Variants in LINGO2 observed in about 807,000 individuals in gnomAD.
LINGO2 encodes leucine-rich repeat and immunoglobulin-like domain-containing nogo receptor-interacting protein 2.
A neutral mutation model predicts 30.6 loss-of-function variants in LINGO2; 14 were observed. That is an observed-to-expected ratio of 0.46 (90% CI 0.30 to 0.72). LINGO2 has a LOEUF of 0.72. LINGO2 is among the 30% of genes least tolerant of loss of function. The pLI is 0.07. For synonymous variants in LINGO2, 317 were observed against 288.5 expected (o/e 1.10, Z -1.00); for missense variants, 729 against 751.7 (o/e 0.97, Z 0.35).
At chr9:29,018,415 C>T in the LINGO2 span, among the ~76,000 whole-genome samples, 82 of 151,872 alleles carry the variant, frequency 5.4e-4, no homozygotes, top group Non-Finnish European at 4.3e-4. Context: ...ACACAATATA[C>T]CCATGTAACG....
chr9:28,705,541 A>T, the LINGO2 span, among the ~76,000 whole-genome samples: 1 of 152,112 alleles, frequency 6.6e-6, no homozygotes, highest in Non-Finnish European at 1.5e-5. Flanking sequence ...CTTCTCCTGA[A>T]GGCAGCCCAT....
At chr9:28,662,684 C>G (rs1410204234) in intron 1 of LINGO2, among the ~76,000 whole-genome samples, 1 of 152,072 alleles carries the variant, frequency 6.6e-6, no homozygotes, top group African/African-American at 2.4e-5. Context: ...GGGACAATGA[C>G]AGTATTCATT....
At chr9:28,786,949 T>G in the LINGO2 span, among the ~76,000 whole-genome samples, 5 of 152,176 alleles carry the variant, frequency 3.3e-5, no homozygotes, top group Non-Finnish European at 5.9e-5. Context: ...TATTTTGCAA[T>G]AGGTCTGCCT....
At chr9:28,565,396 G>C (rs1425990240) in intron 1 of LINGO2, among the ~76,000 whole-genome samples, 1 of 151,376 alleles carries the variant, frequency 6.6e-6, no homozygotes, top group Non-Finnish European at 1.5e-5. Flanking sequence ...CACCATGTTA[G>C]CCAGGATGAT....
chr9:28,418,781 T>G (rs1823073039), intron 2 of LINGO2, among the ~76,000 whole-genome samples: 1 of 151,994 alleles, frequency 6.6e-6, no homozygotes, highest in Non-Finnish European at 1.5e-5. Context: ...ACAAGGAAAT[T>G]TTTGATTGCA....
chr9:28,979,885 G>A, the LINGO2 span, among the ~76,000 whole-genome samples: 1 of 151,938 alleles, frequency 6.6e-6, no homozygotes, highest in Non-Finnish European at 1.5e-5. Flanking sequence ...TTATATTGCC[G>A]TTCAAATAAG....
intron 3 of LINGO2, among the ~76,000 whole-genome samples, chr9:28,353,617 T>G (rs1019611102): frequency 6.6e-6 from 1 of 151,894 alleles, no homozygotes; most frequent in Non-Finnish European, 1.5e-5. Flanking sequence ...GATCTAGAAC[T>G]AGAAATACCA....
At chr9:28,041,835 A>C (rs908703373) in intron 4 of LINGO2, among the ~76,000 whole-genome samples, 1 of 152,186 alleles carries the variant, frequency 6.6e-6, no homozygotes, top group African/African-American at 2.4e-5. Flanking sequence ...GTAACTCAAA[A>C]AGTTTATAAA....
At chr9:28,756,041 C>T in the LINGO2 span, among the ~76,000 whole-genome samples, 34 of 152,140 alleles carry the variant, frequency 2.2e-4, 1 homozygote, top group South Asian at 1.9e-3. Context: ...ATAGGTATAA[C>T]TTTTTAAGAC....
the LINGO2 span, among the ~76,000 whole-genome samples, chr9:29,021,097 G>GT: frequency 6.6e-6 from 1 of 152,070 alleles, no homozygotes; most frequent in African/African-American, 2.4e-5. Flanking sequence ...GAGGCTTTTG[G>GT]TGAAACACTG....
At chr9:28,637,768 C>G (rs1452465156) in intron 1 of LINGO2, among the ~76,000 whole-genome samples, 4 of 152,154 alleles carry the variant, frequency 2.6e-5, no homozygotes, top group African/African-American at 9.7e-5. Flanking sequence ...CATCTGCAAA[C>G]AGGGACAATT....
Position 28,582,494 on chromosome 9 carries a change from A to G in LINGO2, c.-365+87706T>C, listed in dbSNP as rs568563621. Among the ~76,000 whole-genome samples the G allele has an allele frequency of 5.3e-5, 8 of 152,076 alleles. No homozygotes were observed. The East Asian group carries it at 1.6e-3, about 30-fold the overall frequency. On this transcript the variant is annotated intron_variant, in intron 1 of 5. Coordinates refer to ENST00000379992, the Ensembl canonical transcript of LINGO2. The stretch of plus-strand genomic sequence containing the variant: ...AAAAATCTCAACCTTCTGAAACTCA[A>G]CCTACCAGTGACAGCCACATGCTTC...
chr9:29,184,107 C>A, the LINGO2 span, among the ~76,000 whole-genome samples: 1 of 152,098 alleles, frequency 6.6e-6, no homozygotes, highest in East Asian at 1.9e-4. Flanking sequence ...CAAGTATATA[C>A]TTTCATATGG....
rs1825272160 is a variant in LINGO2, at chr9:28,065,106, G to C, written c.-86-52701C>G. ...GCCTGGCATAATGCCCTGCATACAG[G>C]AAGTGTATGGCCTAAATTGTGGACG... is the stretch of plus-strand genomic sequence containing the variant. On this transcript the variant is annotated intron_variant, in intron 4 of 5. Transcript: ENST00000379992. Among the ~76,000 whole-genome samples, 4 of 151,772 alleles carry C rather than the reference G, an allele frequency of 2.6e-5. No homozygotes were observed. The South Asian group carries it at 8.3e-4, about 32-fold the overall frequency.
At chr9:28,640,816 TC>T (rs1158534504) in intron 1 of LINGO2, among the ~76,000 whole-genome samples, 1 of 152,172 alleles carries the variant, frequency 6.6e-6, no homozygotes, top group Admixed American at 6.5e-5. Context: ...GAAGCCTTCT[TC>T]TCTCAACTCG....
chr9:28,824,671 C>T, the LINGO2 span, among the ~76,000 whole-genome samples: 1 of 152,152 alleles, frequency 6.6e-6, no homozygotes, highest in East Asian at 1.9e-4. Context: ...GAAAAAGCAA[C>T]TTGACATGCA....
At chr9:28,349,865 A>C (rs1241107412) in intron 3 of LINGO2, among the ~76,000 whole-genome samples, 4 of 152,120 alleles carry the variant, frequency 2.6e-5, no homozygotes, top group African/African-American at 7.2e-5. Context: ...AAAGAAAAGG[A>C]TTTTCAACCC....
At chr9:28,415,821 C>A (rs562648341) in intron 2 of LINGO2, among the ~76,000 whole-genome samples, 1 of 152,064 alleles carries the variant, frequency 6.6e-6, no homozygotes, top group Non-Finnish European at 1.5e-5. Flanking sequence ...TATATAGTGG[C>A]TGGCACATAG....
the LINGO2 span, among the ~76,000 whole-genome samples, chr9:29,114,045 T>C: frequency 6.6e-6 from 1 of 152,106 alleles, no homozygotes; most frequent in Non-Finnish European, 1.5e-5. Flanking sequence ...CAAGCATAAT[T>C]TGGGGAGAGT....
Sources: gnomAD v4.1 joint callset for allele counts (sites outside exome capture counted in the v4.1 genomes callset) on GRCh38, gnomAD v4.1.1 for gene constraint, MANE v1.5 for transcripts, NCBI Gene and HGNC (gene_info 2026-07-23, HGNC 2026-07-21) for gene names.